MCF2L: variants seen among roughly 807,000 people sequenced by gnomAD.
MCF2L encodes the protein MCF.2 cell line derived transforming sequence like.
In MCF2L, 97 loss-of-function variants were observed where a neutral mutation model predicts 153.4. That is an observed-to-expected ratio of 0.63 (90% confidence interval 0.54 to 0.75). The LOEUF (loss-of-function observed/expected upper bound fraction) is 0.75. Among genes scored for constraint, MCF2L ranks in the 30% least tolerant of loss-of-function variants. The pLI, the probability that MCF2L is intolerant of heterozygous loss-of-function variation, is 0.00. For synonymous variants in MCF2L, 659 were observed against 632.2 expected, an observed-to-expected ratio of 1.04 and a Z score of -0.64; for missense variants, 1,347 against 1,495.2, an observed-to-expected ratio of 0.90 and a Z score of 1.64.
At chr13:112,962,905 G>A (rs551853184) in intron 2 of MCF2L, among the ~76,000 whole-genome samples, 1 of 152,220 alleles carries the variant, frequency 6.6e-6, no homozygotes, top group Non-Finnish European at 1.5e-5. Flanking sequence ...GCTCTTCCAG[G>A]AAGAATCCCG....
intron 1 of MCF2L, among the ~76,000 whole-genome samples, chr13:112,899,152 T>C (rs893687747): frequency 6.6e-6 from 1 of 152,250 alleles, no homozygotes; most frequent in African/African-American, 2.4e-5. Flanking sequence ...CCGTGCTGAC[T>C]TGGTGCTTCC....
At chr13:112,934,164 C>T (rs573516667) in intron 2 of MCF2L, among the ~76,000 whole-genome samples, 20 of 152,350 alleles carry the variant, frequency 1.3e-4, no homozygotes, top group Middle Eastern at 3.4e-3. Flanking sequence ...GGGACCCTGG[C>T]GGCAGATGCA....
intron 26 of MCF2L, chr13:113,091,176 G>A (rs1002425237): frequency 3.1e-5 from 40 of 1,301,108 alleles, no homozygotes; most frequent in African/African-American, 2.8e-4. Flanking sequence ...AGAGCGACCC[G>A]ACTCCCTTTG....
intron 1 of MCF2L, among the ~76,000 whole-genome samples, chr13:112,900,750 T>C (rs2081111988): frequency 6.6e-6 from 1 of 151,996 alleles, no homozygotes; most frequent in Non-Finnish European, 1.5e-5. Context: ...CACCCTGTCC[T>C]GGGCAGGCTT....
At chr13:113,066,710 C>A (rs1220193067) in intron 8 of MCF2L, among the ~76,000 whole-genome samples, 1 of 149,892 alleles carries the variant, frequency 6.7e-6, no homozygotes, top group Non-Finnish European at 1.5e-5. Flanking sequence ...CCCGAGAACT[C>A]CCCGAGCCTC....
intron 4 of MCF2L, among the ~76,000 whole-genome samples, chr13:113,051,831 G>GC (rs553118812): frequency 1.4e-4 from 21 of 152,182 alleles, no homozygotes; most frequent in Middle Eastern, 3.4e-3. Flanking sequence ...GCCCAGGGCT[G>GC]CCCCCGCTGC....
intron 2 of MCF2L, among the ~76,000 whole-genome samples, chr13:112,908,741 TG>T (rs1566630568): frequency 1.8e-4 from 11 of 61,592 alleles, no homozygotes; most frequent in Non-Finnish European, 3.2e-4. Context: ...GGTTTTTTTT[TG>T]TTTTTTTTTG....
chr13:113,002,071 G>T (rs945686751), intron 1 of MCF2L: 63 of 1,381,910 alleles, frequency 4.6e-5, no homozygotes, highest in South Asian at 4.8e-5. Flanking sequence ...GGACGTTCTG[G>T]GCCCAGCCCT....
intron 1 of MCF2L, among the ~76,000 whole-genome samples, chr13:112,971,894 A>G (rs1235048713): frequency 6.6e-6 from 1 of 152,198 alleles, no homozygotes; most frequent in Non-Finnish European, 1.5e-5. Flanking sequence ...CGAGGGAGCA[A>G]TGCTATGGAT....
Position 113,035,435 on chromosome 13 carries a change from C to G in MCF2L, c.279-9836C>G, listed in dbSNP as rs911651922. Among the ~76,000 whole-genome samples the G allele has an allele frequency of 1.3e-5, 2 of 152,202 alleles. No homozygotes were observed. The highest frequency in any genetic ancestry group is 4.8e-5 in the African/African-American group (2 of 41,440). On this transcript the variant is annotated intron_variant, in intron 3 of 29. Coordinates refer to ENST00000535094, the MANE Select transcript of MCF2L (RefSeq NM_001112732.3). This position sits in a 1 kb window ranked among gnomAD's most constrained non-coding sequence, Gnocchi z 4.4. ...TTGGCGGGAAACCAGGTCCTCTGACCTCACCCGGCTCTGCAGTCTGTTTTG... is the reference window on the plus strand; with the variant it reads ...TTGGCGGGAAACCAGGTCCTCTGACGTCACCCGGCTCTGCAGTCTGTTTTG...
At chr13:112,905,740 A>T (rs1306167405) in intron 2 of MCF2L, among the ~76,000 whole-genome samples, 3 of 152,124 alleles carry the variant, frequency 2.0e-5, no homozygotes, top group African/African-American at 7.2e-5. Flanking sequence ...AGGCTGAGTA[A>T]TATTCCATAG....
rs529513611 is a variant in MCF2L, at chr13:113,031,569, A to AGGGTGGAGGGAGAATGCG, written c.278+6824_278+6841dup. Among the ~76,000 whole-genome samples the AGGGTGGAGGGAGAATGCG allele has an allele frequency of 2.0e-3, 298 of 151,112 alleles. 1 individual carries two copies. The highest frequency in any genetic ancestry group is 6.9e-3 in the African/African-American group (285 of 41,214). ...AAGAGTTCATGAGCTGCCAGAATGC[A>AGGGTGGAGGGAGAATGCG]GGGTGGAGGGAGAATGCGGGGTGGA... On this transcript the variant is annotated intron_variant, in intron 3 of 29. Coordinates refer to ENST00000535094, the MANE Select transcript of MCF2L (RefSeq NM_001112732.3). The surrounding 1 kb of genome is among the most constrained non-coding windows in gnomAD (Gnocchi z 5.5).
intron 2 of MCF2L, among the ~76,000 whole-genome samples, chr13:112,944,004 C>T (rs1327287370): frequency 1.0e-4 from 13 of 129,380 alleles, no homozygotes; most frequent in African/African-American, 3.9e-4. Flanking sequence ...AGGGGAGGGT[C>T]CCGGGCCTTG....
At chr13:113,018,163 C>A (rs57258740) in intron 2 of MCF2L, among the ~76,000 whole-genome samples, 15 of 152,060 alleles carry the variant, frequency 9.9e-5, no homozygotes, top group African/African-American at 3.6e-4. Context: ...GTGAGGGATG[C>A]GTAAACCTCG....
At chr13:112,922,276 C>G (rs1032090641) in intron 2 of MCF2L, among the ~76,000 whole-genome samples, 1 of 152,220 alleles carries the variant, frequency 6.6e-6, no homozygotes. Context: ...AAGGAAAGAG[C>G]TCTTCCCCGA....
At chr13:112,956,916 A>G (rs1377387850) in intron 2 of MCF2L, 1 of 152,234 alleles carries the variant, frequency 6.6e-6, no homozygotes, top group Non-Finnish European at 1.5e-5. Context: ...CCTTACTTAC[A>G]GCCAGGAAGG....
intron 18 of MCF2L, 143 bp from the exon 19 acceptor site, chr13:113,084,749 C>T (rs1594985917): frequency 1.4e-6 from 1 of 693,190 alleles, no homozygotes; most frequent in East Asian, 2.6e-5. Context: ...AGCTATGGGG[C>T]CAGCAGCAAT....
intron 2 of MCF2L, among the ~76,000 whole-genome samples, chr13:112,962,410 TG>T (rs1262699049): frequency 3.3e-5 from 5 of 152,214 alleles, no homozygotes; most frequent in African/African-American, 9.7e-5. Context: ...CTGCATGTGC[TG>T]GTGGGTTGCG....
In MCF2L at chr13:113,057,173, T is replaced by C. The variant is rs116605450; in HGVS notation, c.370-3420T>C. Among the ~76,000 whole-genome samples, 1,263 of 146,760 alleles carry C rather than the reference T, an allele frequency of 8.6e-3. 23 individuals are homozygous for C. The highest frequency in any genetic ancestry group is 0.03 in the African/African-American group (1,182 of 39,164). The stretch of plus-strand genomic sequence containing the variant: ...GAGTGGGTGCTGAATGTTTGGGTGC[T>C]GAGTAGGTGCTGTGTGTTTTGGTGC... On this transcript the variant is annotated intron_variant, in intron 4 of 29. Coordinates refer to ENST00000535094, the MANE Select transcript of MCF2L (RefSeq NM_001112732.3).
Sources: allele counts gnomAD v4.1 joint callset (sites outside exome capture counted in the v4.1 genomes callset), GRCh38; gene constraint gnomAD v4.1.1; non-coding constraint Gnocchi (gnomAD v3.1); transcripts MANE v1.5; gene names NCBI Gene and HGNC (gene_info 2026-07-23, HGNC 2026-07-21).